MAMLD1: variants seen among roughly 807,000 people sequenced by gnomAD.
MAMLD1 encodes mastermind-like domain-containing protein 1.
MAMLD1 carries 14 observed loss-of-function variants against 45.0 expected under a neutral mutation model. The observed-to-expected ratio is 0.31, with a 90% CI of 0.21 to 0.49. MAMLD1 has a LOEUF of 0.49. Ranked by LOEUF, MAMLD1 falls within the 20% of genes least tolerant of loss-of-function variation. MAMLD1 has a pLI of 0.99. For synonymous variants in MAMLD1, 254 were observed against 247.8 expected (o/e 1.02, Z -0.24); for missense variants, 543 against 603.6 (o/e 0.90, Z 1.05).
At chrX:150,363,898 G>A (rs916074439) in intron 1 of MAMLD1, among the ~76,000 whole-genome samples, 1 of 113,174 alleles carries the variant, frequency 8.8e-6, no homozygotes, top group African/African-American at 3.2e-5. Flanking sequence ...CAGCACCCCC[G>A]GGTCGCTTGC....
intron 1 of MAMLD1, among the ~76,000 whole-genome samples, chrX:150,389,669 T>C (rs1448254022): frequency 8.9e-6 from 1 of 112,316 alleles, no homozygotes; most frequent in Non-Finnish European, 1.9e-5. Context: ...GATGTATTGT[T>C]GAGTTCTTCA....
At chrX:150,444,727 C>T in intron 1 of MAMLD1, among the ~76,000 whole-genome samples, 1 of 111,741 alleles carries the variant, frequency 8.9e-6, no homozygotes, top group East Asian at 2.8e-4. Flanking sequence ...TAGTGGAGCT[C>T]TTATTTCATG....
intron 1 of MAMLD1, among the ~76,000 whole-genome samples, chrX:150,378,437 T>C (rs1350113117): frequency 8.9e-6 from 1 of 112,040 alleles, no homozygotes; most frequent in Admixed American, 9.4e-5. Context: ...TCCTATTTCT[T>C]CCCGTTGCAA....
chrX:150,381,856 G>A (rs782288544), intron 1 of MAMLD1, among the ~76,000 whole-genome samples: 1 of 111,455 alleles, frequency 9.0e-6, no homozygotes, highest in East Asian at 2.8e-4. Flanking sequence ...CCATTTTCTA[G>A]TTGGATTATT....
rs782446002 is a variant in MAMLD1, at chrX:150,364,547, G to T, written c.-64+1017G>T. 2.4e-3 allele frequency among the ~76,000 whole-genome samples: 270 copies of T among 112,404 alleles called. 1 individual carries two copies. Among genetic ancestry groups the T allele is most frequent in the Non-Finnish European group, 3.6e-3 (189 of 53,134 alleles). ...GAGTGTGGGTGTGTGTGAGCGGGCG[G>T]GAGCACAGCGTGGCTGGGGGACGTG... On this transcript the variant is annotated intron_variant, in intron 1 of 7. Transcript: ENST00000370401.
intron 3 of MAMLD1, 105 bp downstream of exon 3, chrX:150,462,951 T>A: frequency 1.6e-6 from 1 of 610,635 alleles, no homozygotes; most frequent in Non-Finnish European, 2.7e-6. Context: ...CAAGGTCCTT[T>A]AAGAGAGGCA....
At chrX:150,497,922 T>C (rs1191997478) in intron 5 of MAMLD1, among the ~76,000 whole-genome samples, 7 of 111,087 alleles carry the variant, frequency 6.3e-5, no homozygotes, top group Non-Finnish European at 9.4e-5. Context: ...CATGGGCAGG[T>C]CGCTTAACCT....
chrX:150,372,080 G>C (rs1435873547), intron 1 of MAMLD1, among the ~76,000 whole-genome samples: 1 of 111,749 alleles, frequency 8.9e-6, no homozygotes, highest in Non-Finnish European at 1.9e-5. Flanking sequence ...CAGAGCAAAT[G>C]TGGTAAAAAG....
At position 150,513,362 on chromosome X, in the gene MAMLD1, A is replaced by C. The variant is rs2037957895; in HGVS notation, c.*1403A>C. The C allele has an allele frequency of 2.8e-6, 1 of 357,812 alleles. No individual in the cohort carries two copies. The highest frequency in any genetic ancestry group is 5.2e-5 in the Admixed American group (1 of 19,384). 29.5% of individuals were successfully genotyped at this position (357,812 alleles called of 1,213,427 possible). A position where few individuals can be genotyped will look rare whatever the true frequency, so the allele number is the denominator to read the frequency against. On this transcript the variant is annotated 3_prime_UTR_variant, in exon 8 of 8. Transcript: ENST00000370401. ...CTTTTGTTTCAGTAGAGTTGTGTTT[A>C]CTATGCATTGTTTTGTGTTTATTAT...
chrX:150,503,022 G>A (rs1291642524), intron 5 of MAMLD1, among the ~76,000 whole-genome samples: 5 of 112,279 alleles, frequency 4.5e-5, no homozygotes, highest in African/African-American at 1.6e-4. Context: ...ATGTTGGTGG[G>A]CTGGAAAGGG....
chrX:150,414,246 A>G (rs1027332225), intron 1 of MAMLD1, among the ~76,000 whole-genome samples: 1 of 111,109 alleles, frequency 9.0e-6, no homozygotes, highest in Non-Finnish European at 1.9e-5. Context: ...AGCAAAAAAG[A>G]GCTCATTAGG....
intron 5 of MAMLD1, among the ~76,000 whole-genome samples, chrX:150,483,029 C>A (rs1249905017): frequency 8.9e-6 from 1 of 112,096 alleles, no homozygotes; most frequent in Non-Finnish European, 1.9e-5. Context: ...TAGTGACTCG[C>A]CATCTCTGAC....
intron 1 of MAMLD1, among the ~76,000 whole-genome samples, chrX:150,415,405 G>A (rs782731153): frequency 1.4e-4 from 16 of 112,660 alleles, no homozygotes; most frequent in South Asian, 1.1e-3. Flanking sequence ...AGGTTACATC[G>A]TTAACAGGAC....
chrX:150,489,461 T>C (rs1486851309), intron 5 of MAMLD1, among the ~76,000 whole-genome samples: 1 of 109,890 alleles, frequency 9.1e-6, no homozygotes, highest in Non-Finnish European at 1.9e-5. Context: ...TCTAATCACC[T>C]CCTCAAGGTC....
chrX:150,364,891 C>T (rs1242409269), intron 1 of MAMLD1, among the ~76,000 whole-genome samples: 1 of 112,714 alleles, frequency 8.9e-6, no homozygotes, highest in Non-Finnish European at 1.9e-5. Flanking sequence ...AATTGTGTTC[C>T]CTGGTTGCGG....
In MAMLD1 at chrX:150,512,906, G is replaced by A; in HGVS notation, c.*947G>A. 2 of 1,155,584 alleles carry A rather than the reference G, an allele frequency of 1.7e-6. No homozygotes were observed. Among genetic ancestry groups the A allele is most frequent in the South Asian group, 3.8e-5 (2 of 52,752 alleles). ...TCTGATTTCGTCACCTGACTGCAAT[G>A]AGGTAGATTTCATTGAAGCTCTCTT... On this transcript the variant is annotated 3_prime_UTR_variant, in exon 8 of 8. Coordinates refer to ENST00000370401, the MANE Select transcript of MAMLD1 (RefSeq NM_005491.5).
At chrX:150,509,658 G>C (rs1293077588) in intron 6 of MAMLD1, 4 of 329,499 alleles carry the variant, frequency 1.2e-5, no homozygotes, top group Non-Finnish European at 2.2e-5. Context: ...GACCCATCCT[G>C]AGCAGATGGA....
At chrX:150,369,721 G>T (rs1470201231) in intron 1 of MAMLD1, among the ~76,000 whole-genome samples, 1 of 112,118 alleles carries the variant, frequency 8.9e-6, no homozygotes, top group African/African-American at 3.2e-5. Flanking sequence ...GAGCAGATTT[G>T]CTGCTTTGCA....
At chrX:150,462,886 A>G in intron 3 of MAMLD1, 40 bp downstream of exon 3, 1 of 1,077,284 alleles carries the variant, frequency 9.3e-7, no homozygotes, top group Non-Finnish European at 1.3e-6. Context: ...CATTCACTTT[A>G]CAGTGGGGAA....
Sources: gnomAD v4.1 joint callset for allele counts (sites outside exome capture counted in the v4.1 genomes callset) on GRCh38, gnomAD v4.1.1 for gene constraint, MANE v1.5 for transcripts, NCBI Gene and HGNC (gene_info 2026-07-23, HGNC 2026-07-21) for gene names.